Variants in TRHDE observed in about 807,000 individuals in gnomAD.
TRHDE encodes thyrotropin releasing hormone degrading enzyme, also known as thyrotropin-releasing hormone-degrading ectoenzyme.
In TRHDE, 72 loss-of-function variants were observed where a neutral mutation model predicts 125.7. The ratio of observed to expected loss-of-function variants is 0.57; its 90% confidence interval spans 0.47 to 0.70. TRHDE has a LOEUF of 0.70. TRHDE is among the 30% of genes least tolerant of loss of function. The pLI is 0.00. For missense variants in TRHDE, 1,110 were observed against 1,327.1 expected, an observed-to-expected ratio of 0.84 and a Z score of 2.54; for synonymous variants, 509 against 509.1, an observed-to-expected ratio of 1.00 and a Z score of 0.00.
chr12:72,442,271 G>T (rs1425864043), intron 3 of TRHDE, among the ~76,000 whole-genome samples: 1 of 151,812 alleles, frequency 6.6e-6, no homozygotes, highest in African/African-American at 2.4e-5. Context: ...ATCGATGTGT[G>T]ATAAAATACA....
chr12:72,543,799 T>TTATTAC (rs1409658633), intron 7 of TRHDE, among the ~76,000 whole-genome samples: 1 of 118,284 alleles, frequency 8.5e-6, no homozygotes, highest in Non-Finnish European at 1.8e-5. Flanking sequence ...TTGGAAAGGA[T>TTATTAC]TATTATTATT....
At chr12:72,550,466 G>T (rs994698805) in intron 7 of TRHDE, among the ~76,000 whole-genome samples, 9 of 151,736 alleles carry the variant, frequency 5.9e-5, no homozygotes, top group African/African-American at 2.2e-4. Flanking sequence ...TTTGGAAAGT[G>T]CATGTAATAG....
At chr12:72,636,121 C>A (rs1486584784) in intron 15 of TRHDE, among the ~76,000 whole-genome samples, 3 of 152,104 alleles carry the variant, frequency 2.0e-5, no homozygotes, top group African/African-American at 7.2e-5. Context: ...GATATTGATT[C>A]TTCCTACCCA....
At chr12:72,596,624 G>T in intron 12 of TRHDE, among the ~76,000 whole-genome samples, 1 of 152,218 alleles carries the variant, frequency 6.6e-6, no homozygotes, top group South Asian at 2.1e-4. Flanking sequence ...TGAAAATTTC[G>T]TAATGCTTCA....
intron 2 of TRHDE, among the ~76,000 whole-genome samples, chr12:72,329,918 A>G (rs1474606719): frequency 6.6e-6 from 1 of 152,094 alleles, no homozygotes; most frequent in Non-Finnish European, 1.5e-5. Flanking sequence ...GAAAGCACCA[A>G]GAGAAACATA....
intron 7 of TRHDE, among the ~76,000 whole-genome samples, chr12:72,549,460 T>G (rs1869569689): frequency 6.6e-6 from 1 of 151,880 alleles, no homozygotes; most frequent in South Asian, 2.1e-4. Flanking sequence ...TGAATCATAC[T>G]CAATCTAAAA....
At chr12:72,612,529 T>C (rs1872668825) in intron 12 of TRHDE, among the ~76,000 whole-genome samples, 2 of 152,192 alleles carry the variant, frequency 1.3e-5, no homozygotes, top group Non-Finnish European at 2.9e-5. Flanking sequence ...CTAGCCCTGC[T>C]ACTCATTAGC....
chr12:72,171,478 G>A (rs1442948484), intron 2 of TRHDE, among the ~76,000 whole-genome samples: 1 of 152,176 alleles, frequency 6.6e-6, no homozygotes, highest in African/African-American at 2.4e-5. Context: ...CTCCATTTGG[G>A]CTAGCAGATT....
At chr12:72,186,387 C>T (rs868585457) in intron 2 of TRHDE, 14 of 155,242 alleles carry the variant, frequency 9.0e-5, no homozygotes, top group Middle Eastern at 2.9e-3. Context: ...GACGCGCTGC[C>T]TTAAGAGCTG....
rs548170445 is a variant in TRHDE, at chr12:72,217,869, C to G, written n.279+112117C>G. Among the ~76,000 whole-genome samples the G allele has an allele frequency of 3.3e-5, 5 of 152,126 alleles. No homozygotes were observed. The South Asian group carries it at 8.3e-4, about 25-fold the overall frequency. On this transcript the variant is annotated intron_variant and non_coding_transcript_variant, in intron 2 of 4. Transcript: ENST00000548156. ...AATATTGCACTTATCTTACAGAAAC[C>G]TAGAGTCACATATACTCATTTATTT...
intron 13 of TRHDE, 81 bp downstream of exon 13, chr12:72,619,119 T>C (rs1296247085): frequency 9.2e-7 from 1 of 1,088,634 alleles, no homozygotes; most frequent in Non-Finnish European, 1.2e-6. Context: ...ATGCAACTGA[T>C]GCCAAGTTAT....
intron 6 of TRHDE, among the ~76,000 whole-genome samples, chr12:72,533,209 T>C (rs1868651708): frequency 6.6e-6 from 1 of 152,016 alleles, no homozygotes; most frequent in Admixed American, 6.6e-5. Flanking sequence ...AGTTTTGCTC[T>C]TGTCACCCAG....
chr12:72,621,802 G>T (rs753263079), intron 15 of TRHDE, 51 bp downstream of exon 15: 2 of 1,313,152 alleles, frequency 1.5e-6, no homozygotes, highest in Admixed American at 4.6e-5. Flanking sequence ...AGTGCTTTCA[G>T]AGTCTCAGTG....
Position 72,273,289 on chromosome 12 carries a change from A to T in TRHDE, c.646A>T (p.Ile216Phe). The T allele has an allele frequency of 6.2e-7, 1 of 1,614,042 alleles. No homozygotes were observed. Among genetic ancestry groups the T allele is most frequent in the Non-Finnish European group, 8.5e-7 (1 of 1,180,018 alleles). ...CTTCTCCGGGGAGGTCAACGTGGAGATCGCGTGCCGGAACGCCACCCGCTA... is the reference window on the plus strand; with the variant it reads ...CTTCTCCGGGGAGGTCAACGTGGAGTTCGCGTGCCGGAACGCCACCCGCTA... ...FTFSGEVNVE[I>F]ACRNATRYVV... is the part of the protein sequence containing the mutation. Residue 216 changes from isoleucine to phenylalanine, a missense_variant, in exon 1 of 19, where the codon ATC (isoleucine) becomes TTC (phenylalanine). By Grantham distance (21) the Ile-to-Phe change is conservative. Transcript: ENST00000261180. This position sits in a 1 kb window ranked among gnomAD's most constrained non-coding sequence, Gnocchi z 5.3.
chr12:72,218,544 T>C (rs1222862369), intron 2 of TRHDE, among the ~76,000 whole-genome samples: 1 of 152,156 alleles, frequency 6.6e-6, no homozygotes, highest in Admixed American at 6.6e-5. Context: ...AACAAAAATA[T>C]ATTCTCTCAG....
chr12:72,475,229 G>A (rs1458654338), intron 5 of TRHDE, among the ~76,000 whole-genome samples: 1 of 152,020 alleles, frequency 6.6e-6, no homozygotes, highest in Non-Finnish European at 1.5e-5. Context: ...TTTGGTTTTT[G>A]ATGACTTTCC....
chr12:72,103,540 G>A (rs1203497496), intron 1 of TRHDE, among the ~76,000 whole-genome samples: 2 of 152,092 alleles, frequency 1.3e-5, no homozygotes, highest in African/African-American at 2.4e-5. Flanking sequence ...GAATCCTGTG[G>A]TAGGATTCTC....
chr12:72,317,675 A>G (rs980373512), intron 2 of TRHDE, among the ~76,000 whole-genome samples: 3 of 152,206 alleles, frequency 2.0e-5, no homozygotes, highest in African/African-American at 4.8e-5. Context: ...TTGGAGGGAC[A>G]TAAACATTTA....
chr12:72,338,153 A>G lies in TRHDE; in HGVS notation c.1189-39842A>G, dbSNP rs146735489. Among the ~76,000 whole-genome samples the G allele has an allele frequency of 1.3e-4, 20 of 152,236 alleles. No homozygotes were observed. The East Asian group carries it at 3.9e-3, about 29-fold the overall frequency. On this transcript the variant is annotated intron_variant, in intron 2 of 18. Transcript: ENST00000261180. ...GAAATGCTTTTTCTTTTTCTTGGCTATACTTATTTATTAGATTGATGCCAA... is the reference window on the plus strand; with the variant it reads ...GAAATGCTTTTTCTTTTTCTTGGCTGTACTTATTTATTAGATTGATGCCAA...
Sources: allele counts gnomAD v4.1 joint callset (sites outside exome capture counted in the v4.1 genomes callset), GRCh38; gene constraint gnomAD v4.1.1; non-coding constraint Gnocchi (gnomAD v3.1); transcripts MANE v1.5; gene names NCBI Gene and HGNC (gene_info 2026-07-23, HGNC 2026-07-21).